Variants in PDE3A observed in about 807,000 individuals in gnomAD.
PDE3A encodes phosphodiesterase 3A.
Under a neutral mutation model 98.3 loss-of-function variants are expected in PDE3A, and 43 were observed. The observed-to-expected ratio is 0.44, with a 90% confidence interval of 0.34 to 0.56. The LOEUF (loss-of-function observed/expected upper bound fraction) is 0.56. Among genes scored for constraint, PDE3A ranks in the 20% least tolerant of loss-of-function variants. The pLI is 0.01. For missense variants in PDE3A, 1,427 were observed against 1,440.7 expected (o/e 0.99, Z 0.15); for synonymous variants, 663 against 567.9 (o/e 1.17, Z -2.38).
At chr12:20,419,851 G>T (rs1461150399) in intron 1 of PDE3A, among the ~76,000 whole-genome samples, 1 of 147,080 alleles carries the variant, frequency 6.8e-6, no homozygotes, top group Non-Finnish European at 1.5e-5. Flanking sequence ...TGATTCTTCT[G>T]CCTCAGCCTC....
chr12:20,600,976 A>G (rs1037859083), intron 2 of PDE3A, among the ~76,000 whole-genome samples: 3 of 152,184 alleles, frequency 2.0e-5, no homozygotes, highest in Admixed American at 6.6e-5. Flanking sequence ...GGAGTATGTT[A>G]CTTATGCAGT....
chr12:20,563,324 T>C (rs558487209), intron 2 of PDE3A, among the ~76,000 whole-genome samples: 1 of 152,302 alleles, frequency 6.6e-6, no homozygotes, highest in East Asian at 1.9e-4. Context: ...TTATCTGGAG[T>C]AATGCCATAT....
At chr12:20,669,069 C>T (rs996946920) in intron 15 of PDE3A, among the ~76,000 whole-genome samples, 25 of 150,710 alleles carry the variant, frequency 1.7e-4, no homozygotes, top group Admixed American at 4.7e-4. Flanking sequence ...CCTCAGGAGC[C>T]GATGTGATCA....
intron 1 of PDE3A, among the ~76,000 whole-genome samples, chr12:20,403,086 A>G (rs764836216): frequency 2.6e-5 from 4 of 152,150 alleles, no homozygotes; most frequent in Non-Finnish European, 4.4e-5. Flanking sequence ...TTGCTGTTAC[A>G]TTGGTAACCA....
intron 1 of PDE3A, among the ~76,000 whole-genome samples, chr12:20,485,890 A>G (rs1405738237): frequency 1.3e-5 from 2 of 152,212 alleles, no homozygotes; most frequent in East Asian, 1.9e-4. Context: ...AATCATTCAG[A>G]TGAGTTCTTT....
At chr12:20,595,337 C>T (rs916733146) in intron 2 of PDE3A, among the ~76,000 whole-genome samples, 2 of 152,128 alleles carry the variant, frequency 1.3e-5, no homozygotes, top group East Asian at 1.9e-4. Flanking sequence ...CTCATTGACT[C>T]ACATTGACTT....
intron 2 of PDE3A, among the ~76,000 whole-genome samples, chr12:20,606,134 A>C (rs1193801660): frequency 6.6e-6 from 1 of 152,006 alleles, no homozygotes; most frequent in Non-Finnish European, 1.5e-5. Context: ...TGACCCTACC[A>C]TTTCTCCAGT....
intron 1 of PDE3A, among the ~76,000 whole-genome samples, chr12:20,373,415 T>C (rs748889445): frequency 2.0e-5 from 3 of 152,134 alleles, no homozygotes; most frequent in Non-Finnish European, 4.4e-5. Context: ...GAGTATTAGA[T>C]ATTATGCATG....
At chr12:20,500,827 G>A (rs1946011209) in intron 1 of PDE3A, among the ~76,000 whole-genome samples, 5 of 149,878 alleles carry the variant, frequency 3.3e-5, no homozygotes, top group Admixed American at 2.0e-4. Flanking sequence ...GAGTACAGTG[G>A]CGCCATCTCA....
rs1213838235 is a variant in PDE3A at position 20,613,555 on chromosome 12, G to A, written c.1124G>A (p.Arg375Lys). Reference protein sequence around the residue: ...SLPPNVCTSLRAVSNLLSTQL... With the variant: ...SLPPNVCTSLKAVSNLLSTQL... ...CCACCAAACGTGTGCACATCCTTGA[G>A]AGCCGTGAGCAACTTGCTCAGCACA... Residue 375 changes from arginine to lysine, a missense_variant, in exon 3 of 16, where the codon AGA becomes AAA. Arg to Lys is a conservative substitution (Grantham distance 26). Coordinates refer to ENST00000359062, the MANE Select transcript of PDE3A (RefSeq NM_000921.5). The A allele has an allele frequency of 1.2e-6, 2 of 1,614,118 alleles. No individual in the cohort carries two copies. The highest frequency in any genetic ancestry group is 1.7e-6 in the Non-Finnish European group (2 of 1,180,004).
chr12:20,414,657 G>A (rs1025589720), intron 1 of PDE3A, among the ~76,000 whole-genome samples: 1 of 152,070 alleles, frequency 6.6e-6, no homozygotes, highest in African/African-American at 2.4e-5. Flanking sequence ...CACAGTGCTT[G>A]GCCAAAAACA....
At chr12:20,562,809 A>G (rs1460341773) in intron 2 of PDE3A, among the ~76,000 whole-genome samples, 5 of 152,180 alleles carry the variant, frequency 3.3e-5, no homozygotes, top group African/African-American at 7.2e-5. Flanking sequence ...TGTGTTGTCC[A>G]TCTGGTTTTC....
chr12:20,475,347 A>G (rs1173118634), intron 1 of PDE3A, among the ~76,000 whole-genome samples: 1 of 152,104 alleles, frequency 6.6e-6, no homozygotes, highest in East Asian at 1.9e-4. Context: ...AGTTTGTTCT[A>G]TGGCATAATC....
At chr12:20,521,021 G>A (rs146210050) in intron 1 of PDE3A, among the ~76,000 whole-genome samples, 2 of 152,280 alleles carry the variant, frequency 1.3e-5, no homozygotes, top group East Asian at 3.9e-4. Flanking sequence ...AATGGCCTCG[G>A]CTTCTCCTGT....
rs1055471023 is a variant in PDE3A, at chr12:20,640,872, C to T, written c.2251+915C>T. The stretch of plus-strand genomic sequence containing the variant: ...AAATAATCAAACATAATATATTGAT[C>T]GGAACATGTCTTGGAAATATGTTAT... On this transcript the variant is annotated intron_variant, in intron 10 of 15. Coordinates refer to ENST00000359062, the MANE Select transcript of PDE3A (RefSeq NM_000921.5). Among the ~76,000 whole-genome samples the T allele has an allele frequency of 1.6e-4, 25 of 151,990 alleles. No homozygotes were observed. The East Asian group carries it at 2.3e-3, about 14-fold the overall frequency.
intron 2 of PDE3A, among the ~76,000 whole-genome samples, chr12:20,604,188 A>G (rs913590984): frequency 6.6e-6 from 1 of 150,586 alleles, no homozygotes; most frequent in African/African-American, 2.4e-5. Flanking sequence ...GAAAATAAAA[A>G]AGGAAAGGAG....
At chr12:20,620,928 T>A (rs2121479317) in intron 4 of PDE3A, among the ~76,000 whole-genome samples, 1 of 152,238 alleles carries the variant, frequency 6.6e-6, no homozygotes, top group African/African-American at 2.4e-5. Context: ...TTACAGCTTA[T>A]GTAAATTCAC....
intron 1 of PDE3A, among the ~76,000 whole-genome samples, chr12:20,452,203 G>T (rs186197083): frequency 6.6e-6 from 1 of 152,162 alleles, no homozygotes; most frequent in Non-Finnish European, 1.5e-5. Flanking sequence ...AGTCTAACGC[G>T]TGCAGATGCA....
chr12:20,402,159 CT>C (rs1391971845), intron 1 of PDE3A, among the ~76,000 whole-genome samples: 3 of 151,710 alleles, frequency 2.0e-5, no homozygotes, highest in Admixed American at 2.0e-4. Flanking sequence ...TCCTGGATTT[CT>C]TTTTTTTAAT....
Sources: gnomAD v4.1 joint callset for allele counts (sites outside exome capture counted in the v4.1 genomes callset) on GRCh38, gnomAD v4.1.1 for gene constraint, MANE v1.5 for transcripts, NCBI Gene and HGNC (gene_info 2026-07-23, HGNC 2026-07-21) for gene names.